CCDC170: variants seen among roughly 807,000 people sequenced by gnomAD.
CCDC170 encodes coiled-coil domain-containing protein 170.
In CCDC170, 69 loss-of-function variants were observed where a neutral mutation model predicts 72.6. The ratio of observed to expected loss-of-function variants is 0.95; its 90% CI spans 0.78 to 1.16. The LOEUF is 1.16. CCDC170 is among the 50% of genes most tolerant of loss of function. CCDC170 has a pLI of 0.00. For missense variants in CCDC170, 852 were observed against 832.5 expected, an observed-to-expected ratio of 1.02 and a Z score of -0.29; for synonymous variants, 300 against 303.9, an observed-to-expected ratio of 0.99 and a Z score of 0.13.
chr6:151,551,389 GT>G (rs1412054989), intron 5 of CCDC170, among the ~76,000 whole-genome samples: 2 of 152,138 alleles, frequency 1.3e-5, no homozygotes, highest in Non-Finnish European at 2.9e-5. Context: ...ATCTGTGGTG[GT>G]TTTCAAGCAC....
At chr6:151,538,418 T>A in intron 3 of CCDC170, 117 bp downstream of exon 3, 2 of 1,084,512 alleles carry the variant, frequency 1.8e-6, no homozygotes, top group Middle Eastern at 3.0e-4. Flanking sequence ...TAAACTCAAT[T>A]TGAAAAAAAG....
intron 1 of CCDC170, among the ~76,000 whole-genome samples, chr6:151,496,857 C>A (rs17081325): frequency 6.6e-6 from 1 of 152,100 alleles, no homozygotes; most frequent in Non-Finnish European, 1.5e-5. Flanking sequence ...TATCGCATAA[C>A]GTAGTTTGAG....
chr6:151,613,443 T>C (rs1040886763), intron 9 of CCDC170, among the ~76,000 whole-genome samples: 2 of 152,210 alleles, frequency 1.3e-5, no homozygotes, highest in African/African-American at 2.4e-5. Context: ...TATATGCACA[T>C]ATATAGCAAA....
chr6:151,516,077 A>G (rs1050892619), intron 1 of CCDC170, among the ~76,000 whole-genome samples: 1 of 152,092 alleles, frequency 6.6e-6, no homozygotes, highest in Non-Finnish European at 1.5e-5. Flanking sequence ...AAAAAAAAAA[A>G]AAAGAAAAGA....
Position 151,503,540 on chromosome 6 carries a change from C to T in CCDC170, c.57+9355C>T, listed in dbSNP as rs567733443. Among the ~76,000 whole-genome samples the T allele has an allele frequency of 3.9e-5, 6 of 152,196 alleles. No homozygotes were observed. In the South Asian group the frequency reaches 1.2e-3, roughly 32 times the overall value. On this transcript the variant is annotated intron_variant, in intron 1 of 10. Coordinates refer to ENST00000239374, the MANE Select transcript of CCDC170 (RefSeq NM_025059.4). ...CGATCACAGCTCACTGCAACATCCG[C>T]CTCCCAGGCTCAAGCAATTCTCCTG...
At chr6:151,549,015 T>A (rs2115059489) in intron 5 of CCDC170, among the ~76,000 whole-genome samples, 1 of 152,268 alleles carries the variant, frequency 6.6e-6, no homozygotes. Context: ...TTCTCTCACC[T>A]CAGCCTCCCG....
chr6:151,536,214 A>G, intron 1 of CCDC170, 104 bp from the exon 2 acceptor site: 1 of 1,302,674 alleles, frequency 7.7e-7, no homozygotes, highest in Non-Finnish European at 1.1e-6. Flanking sequence ...ACATATTTGG[A>G]ATACAAAGAA....
At chr6:151,570,414 A>G (rs1562285459) in intron 5 of CCDC170, among the ~76,000 whole-genome samples, 1 of 152,226 alleles carries the variant, frequency 6.6e-6, no homozygotes, top group East Asian at 1.9e-4. Flanking sequence ...ATAAAAAAAT[A>G]TGGAAAAAAG....
At chr6:151,509,692 G>A (rs1782120712) in intron 1 of CCDC170, among the ~76,000 whole-genome samples, 1 of 152,282 alleles carries the variant, frequency 6.6e-6, no homozygotes, top group South Asian at 2.1e-4. Flanking sequence ...TCAATTATTT[G>A]AGCTTAACAT....
At chr6:151,596,645 G>A in intron 9 of CCDC170, 68 bp downstream of exon 9, 9 of 1,579,644 alleles carry the variant, frequency 5.7e-6, no homozygotes, top group Non-Finnish European at 6.9e-6. Context: ...GCAAAAGAAT[G>A]ACAGCTTTAT....
chr6:151,613,968 A>G (rs1776916887), intron 9 of CCDC170, among the ~76,000 whole-genome samples: 1 of 152,208 alleles, frequency 6.6e-6, no homozygotes, highest in South Asian at 2.1e-4. Context: ...AGTGTATGAG[A>G]GTTCTAGCTT....
chr6:151,561,095 T>C (rs1460722325), intron 5 of CCDC170, among the ~76,000 whole-genome samples: 1 of 152,018 alleles, frequency 6.6e-6, no homozygotes, highest in Non-Finnish European at 1.5e-5. Context: ...GGGTACATAG[T>C]GGGTGTGTAT....
chr6:151,584,617 T>C (rs111753516), intron 6 of CCDC170, among the ~76,000 whole-genome samples: 2,374 of 152,342 alleles, frequency 0.016, 39 homozygotes, highest in Non-Finnish European at 0.023. Context: ...TGCCTGTTTA[T>C]ACTTTTTGTG....
At chr6:151,556,320 G>A (rs986885400) in intron 5 of CCDC170, among the ~76,000 whole-genome samples, 5 of 152,084 alleles carry the variant, frequency 3.3e-5, no homozygotes, top group African/African-American at 1.2e-4. Context: ...GCTGGGCATG[G>A]TAGTGCATGC....
chr6:151,563,715 C>T (rs900929326), intron 5 of CCDC170, among the ~76,000 whole-genome samples: 5 of 152,080 alleles, frequency 3.3e-5, no homozygotes, highest in African/African-American at 4.8e-5. Context: ...TCTCAGATGC[C>T]CCCAATAGTG....
At chr6:151,567,278 CAG>C (rs1776151405) in intron 5 of CCDC170, among the ~76,000 whole-genome samples, 1 of 152,170 alleles carries the variant, frequency 6.6e-6, no homozygotes, top group South Asian at 2.1e-4. Flanking sequence ...ACAAATCTAA[CAG>C]AGGTTTGTTG....
chr6:151,531,074 G>A (rs1330964882), intron 1 of CCDC170, among the ~76,000 whole-genome samples: 2 of 152,020 alleles, frequency 1.3e-5, no homozygotes, highest in Non-Finnish European at 2.9e-5. Flanking sequence ...TTCTTGCATT[G>A]CTTTTGTGCT....
chr6:151,543,467 C>T (rs1291805058), intron 3 of CCDC170, among the ~76,000 whole-genome samples: 1 of 151,976 alleles, frequency 6.6e-6, no homozygotes, highest in African/African-American at 2.4e-5. Flanking sequence ...CATTCAAAAT[C>T]CTCTCTGCTA....
At chr6:151,587,730 G>A (rs1033847917) in intron 7 of CCDC170, among the ~76,000 whole-genome samples, 3 of 152,184 alleles carry the variant, frequency 2.0e-5, no homozygotes, top group African/African-American at 7.2e-5. Context: ...AGTGCAATTA[G>A]TGCGCTTAGT....
Sources: allele counts gnomAD v4.1 joint callset (sites outside exome capture counted in the v4.1 genomes callset), GRCh38; gene constraint gnomAD v4.1.1; transcripts MANE v1.5; gene names NCBI Gene and HGNC (gene_info 2026-07-23, HGNC 2026-07-21).